The following RAD51B variants were observed in gnomAD, a reference collection of about 807,000 sequenced individuals.
The protein encoded by RAD51B is DNA repair protein RAD51 homolog 2.
In RAD51B, 38 loss-of-function variants were observed where a neutral mutation model predicts 42.2. The ratio of observed to expected loss-of-function variants is 0.90; its 90% CI spans 0.70 to 1.18. RAD51B has a LOEUF of 1.18. Ranked by LOEUF, RAD51B falls within the 50% of genes most tolerant of loss-of-function variation. The pLI is 0.00. For synonymous variants in RAD51B, 154 were observed against 145.2 expected (o/e 1.06, Z -0.43); for missense variants, 373 against 400.7 (o/e 0.93, Z 0.59).
chr14:68,193,546 G>A (rs751992675), intron 7 of RAD51B, among the ~76,000 whole-genome samples: 6 of 152,070 alleles, frequency 3.9e-5, no homozygotes, highest in Non-Finnish European at 8.8e-5. Flanking sequence ...AGGGCTAAAG[G>A]GATGCAAAAA....
intron 10 of RAD51B, among the ~76,000 whole-genome samples, chr14:68,570,455 T>C (rs1001380231): frequency 5.9e-5 from 9 of 152,358 alleles, no homozygotes; most frequent in Middle Eastern, 3.4e-3. Flanking sequence ...TGAAGGTCAC[T>C]GTAGGACCTT....
chr14:67,981,993 G>A (rs930861392), intron 7 of RAD51B, among the ~76,000 whole-genome samples: 1 of 152,152 alleles, frequency 6.6e-6, no homozygotes, highest in African/African-American at 2.4e-5. Context: ...CTATAATGCA[G>A]TGGCGCAGTC....
intron 10 of RAD51B, among the ~76,000 whole-genome samples, chr14:68,637,346 C>T (rs916936076): frequency 3.3e-5 from 5 of 152,152 alleles, no homozygotes; most frequent in South Asian, 4.1e-4. Flanking sequence ...CTCAAATTTC[C>T]GGGATTGCAA....
chr14:67,891,825 G>A (rs1031320362), intron 7 of RAD51B, among the ~76,000 whole-genome samples: 5 of 152,026 alleles, frequency 3.3e-5, no homozygotes, highest in African/African-American at 9.7e-5. Flanking sequence ...TGGGAATATT[G>A]TGTTTATAAC....
intron 7 of RAD51B, among the ~76,000 whole-genome samples, chr14:67,920,109 T>G (rs1158066407): frequency 6.6e-6 from 1 of 152,196 alleles, no homozygotes; most frequent in African/African-American, 2.4e-5. Flanking sequence ...AAGAATATTT[T>G]GTTTTTAAAA....
chr14:68,326,941 AG>A (rs1595711818), intron 8 of RAD51B, among the ~76,000 whole-genome samples: 1 of 151,978 alleles, frequency 6.6e-6, no homozygotes, highest in Non-Finnish European at 1.5e-5. Context: ...CAAGAGGCAC[AG>A]CCAGTCCATA....
intron 7 of RAD51B, among the ~76,000 whole-genome samples, chr14:67,930,984 G>C (rs887718801): frequency 6.6e-6 from 1 of 150,478 alleles, no homozygotes; most frequent in Non-Finnish European, 1.5e-5. Flanking sequence ...GCAGTGGTGC[G>C]ATCTCAGCTC....
At chr14:68,093,095 G>A (rs896357309) in intron 7 of RAD51B, among the ~76,000 whole-genome samples, 4 of 148,972 alleles carry the variant, frequency 2.7e-5, no homozygotes, top group South Asian at 2.2e-4. Flanking sequence ...TGCTGGATTC[G>A]GTTTGCCAGT....
chr14:68,642,962 A>G (rs572185677), intron 10 of RAD51B, among the ~76,000 whole-genome samples: 1 of 149,032 alleles, frequency 6.7e-6, no homozygotes, highest in African/African-American at 2.5e-5. Flanking sequence ...GAGAGAAAAC[A>G]TTGTATGATT....
intron 10 of RAD51B, chr14:68,541,366 G>T (rs1887957570): frequency 1.0e-6 from 1 of 985,440 alleles, no homozygotes; most frequent in Non-Finnish European, 1.2e-6. Context: ...CAGGAGAAAT[G>T]CCATAGTCCT....
At position 68,682,940 on chromosome 14, in the gene RAD51B, A is replaced by G. The variant is rs532374150; in HGVS notation, c.*11+32084A>G. Reference sequence around the variant, plus strand: ...TTTTTTTTTTTTTTTTGTATAGGGCAGTAAACAAGAGCTCTGAAAGGGGAA... The same window carrying G: ...TTTTTTTTTTTTTTTTGTATAGGGCGGTAAACAAGAGCTCTGAAAGGGGAA... On this transcript the variant is annotated intron_variant, in intron 11 of 11. Coordinates refer to the RAD51B transcript ENST00000488612. The G allele has an allele frequency of 7.1e-4, 473 of 667,862 alleles. 2 individuals carry two copies. Among genetic ancestry groups the G allele is most frequent in the Middle Eastern group, 7.0e-3 (9 of 1,288 alleles). The allele number at this position is 667,862 out of a possible 1,614,324, so 41.4% of individuals were successfully genotyped here. A position where few individuals can be genotyped will look rare whatever the true frequency, so the allele number is the denominator to read the frequency against.
chr14:68,395,859 T>C (rs2140030428), intron 8 of RAD51B, among the ~76,000 whole-genome samples: 1 of 152,320 alleles, frequency 6.6e-6, no homozygotes, highest in Non-Finnish European at 1.5e-5. Flanking sequence ...GATGACAGAA[T>C]CATTTACTTC....
At chr14:68,101,918 C>T (rs1387022123) in intron 7 of RAD51B, among the ~76,000 whole-genome samples, 1 of 152,252 alleles carries the variant, frequency 6.6e-6, no homozygotes, top group Non-Finnish European at 1.5e-5. Flanking sequence ...TCTGCCTGGA[C>T]ATCCAAGTGT....
chr14:68,581,085 A>G (rs1483721359), intron 10 of RAD51B, among the ~76,000 whole-genome samples: 2 of 152,246 alleles, frequency 1.3e-5, no homozygotes, highest in East Asian at 3.9e-4. Flanking sequence ...ATTACCTTTG[A>G]CCAGGCTCTC....
chr14:68,527,114 A>G (rs1408627532), intron 10 of RAD51B, among the ~76,000 whole-genome samples: 1 of 152,252 alleles, frequency 6.6e-6, no homozygotes, highest in Admixed American at 6.5e-5. Flanking sequence ...ATAAAGCCCA[A>G]TAATAACGAT....
intron 7 of RAD51B, among the ~76,000 whole-genome samples, chr14:67,900,120 C>CAA (rs1337899685): frequency 1.3e-5 from 2 of 152,134 alleles, no homozygotes; most frequent in Non-Finnish European, 2.9e-5. Context: ...AGTGTTGCTT[C>CAA]TGTATTAGTG....
At chr14:68,145,843 C>T (rs2078236655) in intron 7 of RAD51B, among the ~76,000 whole-genome samples, 1 of 152,174 alleles carries the variant, frequency 6.6e-6, no homozygotes, top group Non-Finnish European at 1.5e-5. Flanking sequence ...GGGTTTGGCC[C>T]CTGCTTTTCA....
At chr14:67,844,322 A>G (rs1453263020) in intron 4 of RAD51B, among the ~76,000 whole-genome samples, 1 of 151,758 alleles carries the variant, frequency 6.6e-6, no homozygotes, top group Non-Finnish European at 1.5e-5. Context: ...AATAATGTAT[A>G]TTCTGCTGTT....
intron 8 of RAD51B, among the ~76,000 whole-genome samples, chr14:68,343,767 C>G (rs1036938208): frequency 4.6e-5 from 7 of 152,258 alleles, no homozygotes; most frequent in Non-Finnish European, 1.0e-4. Context: ...AGGGACCAGG[C>G]CTGGGCCATT....
Sources: allele counts gnomAD v4.1 joint callset (sites outside exome capture counted in the v4.1 genomes callset), GRCh38; gene constraint gnomAD v4.1.1; transcripts MANE v1.5; gene names NCBI Gene and HGNC (gene_info 2026-07-23, HGNC 2026-07-21).